Variants in ZNF71 observed in about 807,000 individuals in gnomAD.
The protein encoded by ZNF71 is zinc finger protein 71.
A neutral mutation model predicts 6.7 loss-of-function variants in ZNF71; 3 were observed. That is an observed-to-expected ratio of 0.45 (90% CI 0.20 to 1.16). ZNF71 has a LOEUF of 1.16. Among genes scored for constraint, ZNF71 ranks in the 50% most tolerant of loss-of-function variants. The pLI is 0.25. For synonymous variants in ZNF71, 343 were observed against 311.1 expected (o/e 1.10, Z -1.08); for missense variants, 688 against 728.6 (o/e 0.94, Z 0.64).
intron 3 of ZNF71, among the ~76,000 whole-genome samples, chr19:56,615,578 T>G (rs1228090027): frequency 6.6e-6 from 1 of 151,546 alleles, no homozygotes; most frequent in Non-Finnish European, 1.5e-5. Context: ...TTTTTTCTGT[T>G]GGGTTATTAT....
chr19:56,621,350 C>T lies in ZNF71; in HGVS notation c.243C>T (p.Ala81=), dbSNP rs369290956. The T allele has an allele frequency of 1.7e-5, 27 of 1,566,790 alleles. No individual in the cohort carries two copies. Among genetic ancestry groups the T allele is most frequent in the Non-Finnish European group, 2.0e-5 (23 of 1,155,784 alleles). ...SEDKLSVVGE[A]TGGPTRNGAR... Reference sequence around the variant, plus strand: ...ACAAGCTCTCCGTTGTTGGGGAGGCCACGGGGGGACCCACGAGGAATGGTG... The same window carrying T: ...ACAAGCTCTCCGTTGTTGGGGAGGCTACGGGGGGACCCACGAGGAATGGTG... Residue 81 remains alanine, a synonymous_variant, in exon 4 of 4, where the codon GCC becomes GCT. Transcript: ENST00000599599.
intron 2 of ZNF71, among the ~76,000 whole-genome samples, chr19:56,607,908 G>A (rs2044721981): frequency 6.6e-6 from 1 of 152,172 alleles, no homozygotes; most frequent in African/African-American, 2.4e-5. Context: ...GCCTCACACA[G>A]TGGTTGGTGG....
Position 56,623,646 on chromosome 19 carries a change from T to C in ZNF71, c.*889T>C, listed in dbSNP as rs1229474767. On this transcript the variant is annotated 3_prime_UTR_variant, in exon 4 of 4. Coordinates refer to ENST00000599599, the MANE Select transcript of ZNF71 (RefSeq NM_001370215.1). Reference sequence around the variant, plus strand: ...GTGAAGGCAACTGTCTTAAGTCCCTTCCTGCTGCTGTAACAAAAGACCTTA... The same window carrying C: ...GTGAAGGCAACTGTCTTAAGTCCCTCCCTGCTGCTGTAACAAAAGACCTTA... 1 of 167,128 alleles carries C rather than the reference T, an allele frequency of 6.0e-6. No individual in the cohort carries two copies. The highest frequency in any genetic ancestry group is 2.4e-5 in the African/African-American group (1 of 41,444). The allele number at this position is 167,128 out of a possible 1,614,324, so 10.4% of individuals were successfully genotyped here.
At chr19:56,607,032 G>T (rs2044715266) in intron 2 of ZNF71, among the ~76,000 whole-genome samples, 1 of 152,228 alleles carries the variant, frequency 6.6e-6, no homozygotes, top group Middle Eastern at 3.4e-3. Flanking sequence ...TGGGTAATTT[G>T]ATCCAGCAAA....
chr19:56,620,222 A>G (rs548577965), intron 3 of ZNF71, among the ~76,000 whole-genome samples: 2 of 152,280 alleles, frequency 1.3e-5, no homozygotes, highest in South Asian at 2.1e-4. Context: ...GTGATGAGCT[A>G]GCGGGAGCCG....
chr19:56,601,292 C>T (rs1332420120), intron 1 of ZNF71, among the ~76,000 whole-genome samples: 2 of 152,104 alleles, frequency 1.3e-5, no homozygotes, highest in Non-Finnish European at 2.9e-5. Context: ...GAAGTAGTAC[C>T]TACCTTCCAG....
intron 2 of ZNF71, among the ~76,000 whole-genome samples, chr19:56,611,554 AG>A (rs1288799895): frequency 6.6e-6 from 1 of 152,206 alleles, no homozygotes; most frequent in African/African-American, 2.4e-5. Context: ...CAAAGCCCGC[AG>A]ATCTCTGTGC....
rs2044876297 is a variant in ZNF71, at chr19:56,622,891, T to C, written c.*134T>C. The C allele has an allele frequency of 4.2e-6, 5 of 1,199,632 alleles. No individual in the cohort carries two copies. The allele number at this position is 1,199,632 out of a possible 1,614,324, so 74.3% of individuals were successfully genotyped here. A position where few individuals can be genotyped will look rare whatever the true frequency, so the allele number is the denominator to read the frequency against. Reference sequence around the variant, plus strand: ...GTCAGGGGAGCTCAGGAATGTGGGGTTGTGGAGGGGCTGGCTGATCACACA... The same window carrying C: ...GTCAGGGGAGCTCAGGAATGTGGGGCTGTGGAGGGGCTGGCTGATCACACA... On this transcript the variant is annotated 3_prime_UTR_variant, in exon 4 of 4. Transcript: ENST00000599599.
At chr19:56,602,620 A>G (rs1015495090) in intron 2 of ZNF71, among the ~76,000 whole-genome samples, 5 of 152,232 alleles carry the variant, frequency 3.3e-5, no homozygotes, top group Non-Finnish European at 5.9e-5. Flanking sequence ...ATTATTAGTG[A>G]AGTTCAAGTC....
intron 2 of ZNF71, among the ~76,000 whole-genome samples, chr19:56,611,956 T>C (rs2044754977): frequency 6.6e-6 from 1 of 152,246 alleles, no homozygotes; most frequent in Admixed American, 6.5e-5. Flanking sequence ...TGTCTCTCTC[T>C]GTCCATGTTT....
intron 3 of ZNF71, among the ~76,000 whole-genome samples, chr19:56,619,406 T>A (rs893256653): frequency 6.6e-6 from 1 of 152,222 alleles, no homozygotes; most frequent in Admixed American, 6.5e-5. Flanking sequence ...TGGAATCACA[T>A]GGCATCCATC....
rs981964120 is a variant in ZNF71, at chr19:56,614,088, T to A, written c.160+150T>A. 3.0e-5 allele frequency: 16 copies of A among 541,578 alleles called. No homozygotes were observed. In the Admixed American group the frequency reaches 3.8e-4, roughly 13 times the overall value. The allele number at this position is 541,578 out of a possible 1,614,324, so 33.5% of individuals were successfully genotyped here. ...AAGCTAAAAATAAAGTTGATCACGA[T>A]GGTATGGGAAATAATATTTCTCACG... On this transcript the variant is annotated intron_variant, in intron 3 of 3. Transcript: ENST00000599599.
At chr19:56,605,425 A>T (rs1050719343) in intron 2 of ZNF71, among the ~76,000 whole-genome samples, 3 of 152,224 alleles carry the variant, frequency 2.0e-5, no homozygotes, top group African/African-American at 7.2e-5. Flanking sequence ...ACTTGTAAAC[A>T]AAGAAGCTAG....
intron 2 of ZNF71, among the ~76,000 whole-genome samples, chr19:56,606,378 G>T (rs1440898839): frequency 6.6e-6 from 1 of 152,096 alleles, no homozygotes; most frequent in Non-Finnish European, 1.5e-5. Flanking sequence ...TCCTGTTTAG[G>T]GGGTAAAAAT....
intron 2 of ZNF71, among the ~76,000 whole-genome samples, chr19:56,608,403 G>A (rs2044725728): frequency 6.6e-6 from 1 of 152,074 alleles, no homozygotes; most frequent in South Asian, 2.1e-4. Flanking sequence ...TTATTTCGCT[G>A]AGCATAATGT....
In ZNF71 at chr19:56,623,709, A is replaced by G. The variant is rs1039723980; in HGVS notation, c.*952A>G. ...TATAAACAATAGAAATTTGTCACTC[A>G]TGGTTCTGGATGCTGGGAAGTCCAA... On this transcript the variant is annotated 3_prime_UTR_variant, in exon 4 of 4. Transcript: ENST00000599599. 6.0e-6 allele frequency: 1 copy of G among 167,154 alleles called. No homozygotes were observed. Among genetic ancestry groups the G allele is most frequent in the Non-Finnish European group, 1.5e-5 (1 of 68,170 alleles). 10.4% of individuals were successfully genotyped at this position (167,154 alleles called of 1,614,324 possible). A position where few individuals can be genotyped will look rare whatever the true frequency, so the allele number is the denominator to read the frequency against.
chr19:56,618,600 C>T lies in ZNF71; in HGVS notation c.161-2668C>T, dbSNP rs184910533. 5.9e-5 allele frequency among the ~76,000 whole-genome samples: 9 copies of T among 152,214 alleles called. No individual in the cohort carries two copies. Among genetic ancestry groups the T allele is most frequent in the East Asian group, 1.9e-4 (1 of 5,174 alleles). ...TGGGCAGGAGGACCTTCCTTCCTTACGTAGGGTGGATTGGGAAGGCTCCCG... is the reference window on the plus strand; with the variant it reads ...TGGGCAGGAGGACCTTCCTTCCTTATGTAGGGTGGATTGGGAAGGCTCCCG... On this transcript the variant is annotated intron_variant, in intron 3 of 3. Transcript: ENST00000599599. This position sits in a 1 kb window ranked among gnomAD's most constrained non-coding sequence, Gnocchi z 4.6.
chr19:56,616,309 G>A (rs532776724), intron 3 of ZNF71, among the ~76,000 whole-genome samples: 98 of 152,274 alleles, frequency 6.4e-4, no homozygotes, highest in African/African-American at 2.3e-3. Flanking sequence ...TTCTCCAATC[G>A]CCTTTGCATT....
At chr19:56,617,744 G>C (rs1326986272) in intron 3 of ZNF71, among the ~76,000 whole-genome samples, 1 of 152,094 alleles carries the variant, frequency 6.6e-6, no homozygotes, top group African/African-American at 2.4e-5. Context: ...CGTGGTTAAG[G>C]GCTGAGTGTT....
Sources: gnomAD v4.1 joint callset for allele counts (sites outside exome capture counted in the v4.1 genomes callset) on GRCh38, gnomAD v4.1.1 for gene constraint, Gnocchi (gnomAD v3.1) non-coding constraint, MANE v1.5 for transcripts, NCBI Gene and HGNC (gene_info 2026-07-23, HGNC 2026-07-21) for gene names.